The following TNRC18 variants were observed in gnomAD, a reference collection of about 807,000 sequenced individuals.
The protein encoded by TNRC18 is trinucleotide repeat containing 18, also known as trinucleotide repeat-containing gene 18 protein.
Under a neutral mutation model 226.7 loss-of-function variants are expected in TNRC18, and 69 were observed. That is an observed-to-expected ratio of 0.30 (90% CI 0.25 to 0.37). The LOEUF (loss-of-function observed/expected upper bound fraction) is 0.37. Among genes scored for constraint, TNRC18 ranks in the 10% least tolerant of loss-of-function variants. The probability of loss-of-function intolerance (pLI) is 1.00; values close to 1 mark genes in which losing one functional copy is unlikely to be tolerated. For missense variants in TNRC18, 4,754 were observed against 4,256.6 expected, an observed-to-expected ratio of 1.12 and a Z score of -3.25; for synonymous variants, 2,449 against 1,927.6, an observed-to-expected ratio of 1.27 and a Z score of -7.09.
intron 20 of TNRC18, 95 bp downstream of exon 20, chr7:5,325,001 G>T: frequency 7.1e-7 from 1 of 1,406,642 alleles, no homozygotes; most frequent in Non-Finnish European, 9.5e-7. Flanking sequence ...CTATAGGGAG[G>T]GTGAATACAG....
rs1787298290 is a variant in TNRC18 at position 5,312,225 on chromosome 7, T to C, written c.8388+278A>G. On this transcript the variant is annotated intron_variant, in intron 27 of 29. Transcript: ENST00000430969. The surrounding 1 kb of genome is among the most constrained non-coding windows in gnomAD (Gnocchi z 6.3). Reference sequence around the variant, plus strand: ...GTGGGTCTGTGCTGATCTTTGCACGTTTCCTTCATCTGGGCTCCACGAGGG... The same window carrying C: ...GTGGGTCTGTGCTGATCTTTGCACGCTTCCTTCATCTGGGCTCCACGAGGG... 6.6e-6 allele frequency among the ~76,000 whole-genome samples: 1 copy of C among 152,192 alleles called. No homozygotes were observed. Among genetic ancestry groups the C allele is most frequent in the South Asian group, 2.1e-4 (1 of 4,832 alleles).
At chr7:5,365,729 C>T (rs974823934) in intron 11 of TNRC18, among the ~76,000 whole-genome samples, 1 of 152,116 alleles carries the variant, frequency 6.6e-6, no homozygotes, top group African/African-American at 2.4e-5. Context: ...ACTGGGATTG[C>T]AGACGTGAGC....
Position 5,389,255 on chromosome 7 carries a change from T to C in TNRC18, c.569A>G (p.His190Arg). Residue 190 changes from histidine (H) to arginine (R), a missense_variant, in exon 5 of 30, where the codon CAC becomes CGC. Coordinates refer to ENST00000430969, the MANE Select transcript of TNRC18 (RefSeq NM_001080495.3). Reference sequence around the variant, plus strand: ...GCCTTTGGCCGGGGCGCCCGAGGAGTGGCCGCCGCCAGGGGTCCGGGCCGA... The same window carrying C: ...GCCTTTGGCCGGGGCGCCCGAGGAGCGGCCGCCGCCAGGGGTCCGGGCCGA... ...APSARTPGGG[H>R]SSGAPAKGSS... is the part of the protein sequence containing the mutation. The C allele has an allele frequency of 1.5e-6, 2 of 1,313,372 alleles. No homozygotes were observed. The highest frequency in any genetic ancestry group is 1.9e-6 in the Non-Finnish European group (2 of 1,032,358). 81.4% of individuals were successfully genotyped at this position (1,313,372 alleles called of 1,614,324 possible). A position where few individuals can be genotyped will look rare whatever the true frequency, so the allele number is the denominator to read the frequency against.
chr7:5,366,621 G>T (rs935041192), intron 11 of TNRC18, among the ~76,000 whole-genome samples: 2 of 152,152 alleles, frequency 1.3e-5, no homozygotes, highest in Non-Finnish European at 2.9e-5. Context: ...ACCGCGGCTG[G>T]CCGCTCTTCT....
chr7:5,375,884 C>T, intron 9 of TNRC18, 150 bp downstream of exon 9: 4 of 753,654 alleles, frequency 5.3e-6, no homozygotes, highest in Non-Finnish European at 8.4e-6. Flanking sequence ...GGTTCCACTG[C>T]TGCCTCCTCC....
chr7:5,326,965 A>C (rs1788980642), intron 19 of TNRC18, among the ~76,000 whole-genome samples: 1 of 150,168 alleles, frequency 6.7e-6, no homozygotes, highest in Non-Finnish European at 1.5e-5. Flanking sequence ...TCTACTAAAA[A>C]TATAAAAAAG....
At chr7:5,373,688 CG>C (rs900134283) in intron 10 of TNRC18, among the ~76,000 whole-genome samples, 21 of 152,090 alleles carry the variant, frequency 1.4e-4, no homozygotes, top group African/African-American at 5.1e-4. Flanking sequence ...ACCCACAGAA[CG>C]GGGGGAAAGC....
intron 18 of TNRC18, among the ~76,000 whole-genome samples, chr7:5,340,937 G>A (rs1161170174): frequency 6.6e-6 from 1 of 152,146 alleles, no homozygotes; most frequent in African/African-American, 2.4e-5. Flanking sequence ...TGCCATCTAA[G>A]GCTATCATAG....
At position 5,310,166 on chromosome 7, in the gene TNRC18, G is replaced by C. The variant is rs1326545462; in HGVS notation, c.8389-798C>G. 3.9e-5 allele frequency among the ~76,000 whole-genome samples: 6 copies of C among 152,296 alleles called. No individual in the cohort carries two copies. The East Asian group carries it at 9.6e-4, about 24-fold the overall frequency. Reference sequence around the variant, plus strand: ...GATCCTCCCACATAAGCCACCCAAAGAGCTGGGATTACAGGCGTGAGCTAC... The same window carrying C: ...GATCCTCCCACATAAGCCACCCAAACAGCTGGGATTACAGGCGTGAGCTAC... On this transcript the variant is annotated intron_variant, in intron 27 of 29. Transcript: ENST00000430969.
At chr7:5,356,773 C>G in intron 16 of TNRC18, 143 bp downstream of exon 16, 2 of 1,218,946 alleles carry the variant, frequency 1.6e-6, no homozygotes, top group Non-Finnish European at 2.2e-6. Context: ...CCATGCCAAG[C>G]TCAGGCACTG....
chr7:5,392,640 A>G (rs1236284049), intron 3 of TNRC18, among the ~76,000 whole-genome samples: 3 of 151,800 alleles, frequency 2.0e-5, no homozygotes, highest in Admixed American at 1.3e-4. Flanking sequence ...TAAGTAAAAT[A>G]CAACCAACAA....
At chr7:5,329,196 G>A (rs561852285) in intron 19 of TNRC18, among the ~76,000 whole-genome samples, 21 of 151,998 alleles carry the variant, frequency 1.4e-4, no homozygotes, top group African/African-American at 4.6e-4. Context: ...CCAGCTACTC[G>A]GGAGGCTGAG....
intron 2 of TNRC18, among the ~76,000 whole-genome samples, chr7:5,400,672 A>AC (rs1477827522): frequency 6.6e-6 from 1 of 152,194 alleles, no homozygotes; most frequent in Non-Finnish European, 1.5e-5. Flanking sequence ...GGATGAATAC[A>AC]CCAAACACCA....
intron 18 of TNRC18, 30 bp downstream of exon 18, chr7:5,345,532 C>A (rs1288701158): frequency 3.5e-6 from 4 of 1,141,434 alleles, no homozygotes; most frequent in Non-Finnish European, 4.6e-6. Flanking sequence ...TCCCACCCAC[C>A]CCCACCGCAG....
chr7:5,362,567 C>T, intron 12 of TNRC18, 83 bp downstream of exon 12: 1 of 1,351,028 alleles, frequency 7.4e-7, no homozygotes, highest in Non-Finnish European at 9.9e-7. Context: ...CAGCCACGCC[C>T]CAGGCAGTAG....
chr7:5,388,194 C>G lies in TNRC18; in HGVS notation c.1630G>C (p.Ala544Pro), dbSNP rs771844501. ...AGGTAGGCCTTCTTGGAGGAGGAGG[C>G]AGCGACCACGGCGGCCTCCTCTTCG... ...RAEEEAAVVA[A>P]SSSKKAYLDP... The change falls in exon 5 of 30, where the codon GCC becomes CCC. Residue 544 changes from alanine to proline, a missense_variant. Ala to Pro is a conservative substitution (Grantham distance 27). Transcript: ENST00000430969. The G allele has an allele frequency of 2.5e-6, 4 of 1,589,666 alleles. No homozygotes were observed. The East Asian group carries it at 9.2e-5, about 37-fold the overall frequency.
chr7:5,411,846 G>A (rs935243269), intron 2 of TNRC18, among the ~76,000 whole-genome samples: 1 of 151,990 alleles, frequency 6.6e-6, no homozygotes, highest in Non-Finnish European at 1.5e-5. Flanking sequence ...AAAAAACAAA[G>A]CAGCTCATCC....
At position 5,342,732 on chromosome 7, in the gene TNRC18, C is replaced by A. The variant is rs532001681; in HGVS notation, c.5719+2830G>T. Reference sequence around the variant, plus strand: ...ATTTAGAATATTGCACAAGCTTAGCCGATAAAGCAGCAGCAGGGTTTGAGA... The same window carrying A: ...ATTTAGAATATTGCACAAGCTTAGCAGATAAAGCAGCAGCAGGGTTTGAGA... On this transcript the variant is annotated intron_variant, in intron 18 of 29. Coordinates refer to ENST00000430969, the MANE Select transcript of TNRC18 (RefSeq NM_001080495.3). 7.2e-5 allele frequency among the ~76,000 whole-genome samples: 11 copies of A among 152,284 alleles called. No homozygotes were observed. The South Asian group carries it at 2.3e-3, about 32-fold the overall frequency.
intron 26 of TNRC18, 31 bp from the exon 27 acceptor site, chr7:5,313,894 C>G: frequency 7.1e-7 from 1 of 1,416,908 alleles, no homozygotes; most frequent in Non-Finnish European, 9.2e-7. Context: ...GAAGCTGGGG[C>G]GGGGGCTTCC....
Sources: gnomAD v4.1 joint callset for allele counts (sites outside exome capture counted in the v4.1 genomes callset) on GRCh38, gnomAD v4.1.1 for gene constraint, Gnocchi (gnomAD v3.1) non-coding constraint, MANE v1.5 for transcripts, NCBI Gene and HGNC (gene_info 2026-07-23, HGNC 2026-07-21) for gene names.